Variants in NLRC5 observed in about 807,000 individuals in gnomAD.
NLRC5 encodes the protein protein NLRC5.
A neutral mutation model predicts 206.9 loss-of-function variants in NLRC5; 114 were observed. The observed-to-expected ratio is 0.55, with a 90% confidence interval of 0.47 to 0.64. The LOEUF (loss-of-function observed/expected upper bound fraction) is 0.64. NLRC5 is among the 30% of genes least tolerant of loss of function. The probability of loss-of-function intolerance (pLI) is 0.00; values close to 1 mark genes in which losing one functional copy is unlikely to be tolerated. For synonymous variants in NLRC5, 952 were observed against 962.8 expected (o/e 0.99, Z 0.21); for missense variants, 2,008 against 2,305.5 (o/e 0.87, Z 2.64).
intron 38 of NLRC5, 113 bp from the exon 39 acceptor site, chr16:57,074,487 T>A (rs2068120180): frequency 1.2e-6 from 1 of 830,490 alleles, no homozygotes; most frequent in Non-Finnish European, 2.1e-6. Context: ...TGTGTGGATA[T>A]AAGTGGCTGT....
intron 1 of NLRC5, among the ~76,000 whole-genome samples, chr16:57,015,623 TAAA>T: frequency 6.7e-6 from 1 of 149,430 alleles, no homozygotes; most frequent in East Asian, 2.0e-4. Flanking sequence ...AATAAATAAA[TAAA>T]TAAATAAATA....
chr16:57,056,799 C>A (rs1567615319), intron 27 of NLRC5, among the ~76,000 whole-genome samples: 1 of 151,974 alleles, frequency 6.6e-6, no homozygotes, highest in Non-Finnish European at 1.5e-5. Context: ...GCTGAGATTA[C>A]AGGCATGAGC....
chr16:57,050,014 C>T (rs527970654), intron 23 of NLRC5, among the ~76,000 whole-genome samples: 1 of 152,088 alleles, frequency 6.6e-6, no homozygotes, highest in South Asian at 2.1e-4. Context: ...TCCATCCCCC[C>T]TCCCTGAATT....
intron 39 of NLRC5, among the ~76,000 whole-genome samples, chr16:57,075,039 T>A (rs1240236552): frequency 1.7e-4 from 13 of 74,774 alleles, no homozygotes; most frequent in African/African-American, 6.9e-4. Context: ...TTTTTTTTTT[T>A]TTTTTTTTGA....
rs1260834159 is a variant in NLRC5 at position 57,065,194 on chromosome 16, T to C, written c.4155-18T>C. The C allele has an allele frequency of 6.7e-7, 1 of 1,493,592 alleles. No individual in the cohort carries two copies. Among genetic ancestry groups the C allele is most frequent in the Non-Finnish European group, 9.0e-7 (1 of 1,107,786 alleles). 92.5% of individuals were successfully genotyped at this position (1,493,592 alleles called of 1,614,324 possible). A position where few individuals can be genotyped will look rare whatever the true frequency, so the allele number is the denominator to read the frequency against. ...GCTCACCTTGGGGGGGCCTTATCTG[T>C]GTCCCCTTCTGTGACAGGGTGCAGG... is the stretch of plus-strand genomic sequence containing the variant. On this transcript the variant is annotated intron_variant, in intron 32 of 48. Coordinates refer to ENST00000688547, the MANE Select transcript of NLRC5 (RefSeq NM_001384950.1).
At position 57,023,739 on chromosome 16, in the gene NLRC5, C is replaced by T. The variant is rs369360025; in HGVS notation, c.356-46C>T. On this transcript the variant is annotated intron_variant, in intron 4 of 48. Coordinates refer to ENST00000688547, the MANE Select transcript of NLRC5 (RefSeq NM_001384950.1). ...AAAGGTTCTGGGTAACCCCTCAGCC[C>T]AGATCCCCAGACCCCACTCCTCCAC... 4 of 1,544,844 alleles carry T rather than the reference C, an allele frequency of 2.6e-6. No homozygotes were observed. The African/African-American group carries it at 5.4e-5, about 21-fold the overall frequency.
At chr16:57,054,440 AC>A (rs1343462487) in intron 24 of NLRC5, among the ~76,000 whole-genome samples, 6 of 152,176 alleles carry the variant, frequency 3.9e-5, no homozygotes, top group Non-Finnish European at 8.8e-5. Context: ...CCGGCAGTGC[AC>A]CTGCATGATG....
intron 46 of NLRC5, among the ~76,000 whole-genome samples, chr16:57,080,401 T>C (rs1370224127): frequency 6.6e-6 from 1 of 152,166 alleles, no homozygotes; most frequent in African/African-American, 2.4e-5. Context: ...TGTACTATAT[T>C]TATTTTTGTA....
In NLRC5 at chr16:57,071,741, G is replaced by A. The variant is rs189916564; in HGVS notation, c.4667+1123G>A. On this transcript the variant is annotated intron_variant, in intron 38 of 48. Coordinates refer to ENST00000688547, the MANE Select transcript of NLRC5 (RefSeq NM_001384950.1). ...TAATGGGGAAGGGGGTGAGTAAGGG[G>A]TGGGGGTGGTTAATAGGGAAGAGTT... Among the ~76,000 whole-genome samples, 39 of 138,984 alleles carry A rather than the reference G, an allele frequency of 2.8e-4. No homozygotes were observed. The Middle Eastern group carries it at 0.012, about 43-fold the overall frequency. 91.2% of individuals were successfully genotyped at this position (138,984 alleles called of 152,430 possible). A position where few individuals can be genotyped will look rare whatever the true frequency, so the allele number is the denominator to read the frequency against.
Position 57,025,590 on chromosome 16 carries a change from G to A in NLRC5, c.647G>A (p.Arg216Lys). 6.2e-7 allele frequency: 1 copy of A among 1,614,152 alleles called. No homozygotes were observed. Among genetic ancestry groups the A allele is most frequent in the Non-Finnish European group, 8.5e-7 (1 of 1,180,018 alleles). The change falls in exon 6 of 49, where the codon AGG becomes AAG. Residue 216 changes from arginine (R) to lysine (K), a missense_variant. Coordinates refer to ENST00000688547, the MANE Select transcript of NLRC5 (RefSeq NM_001384950.1). The part of the protein sequence containing the change: ...DVSISDLFNT[R>K]VNKGPRVTVL... ...AGCATCTCGGACCTCTTCAACACCA[G>A]GGTTAACAAGGGCCCGAGGGTGACC...
At chr16:57,079,477 A>G in intron 45 of NLRC5, 69 bp from the exon 46 acceptor site, 2 of 1,447,076 alleles carry the variant, frequency 1.4e-6, no homozygotes, top group Admixed American at 1.7e-5. Flanking sequence ...GTGGCTCTGG[A>G]GGCAGGACCT....
chr16:57,053,589 C>T (rs2065215257), intron 24 of NLRC5, among the ~76,000 whole-genome samples: 1 of 152,134 alleles, frequency 6.6e-6, no homozygotes, highest in Non-Finnish European at 1.5e-5. Context: ...AGTGCAATGG[C>T]GCAATCTCGG....
In NLRC5 at chr16:57,082,840, G is replaced by T. The variant is rs2069310766; in HGVS notation, c.*312G>T. On this transcript the variant is annotated 3_prime_UTR_variant, in exon 49 of 49. Coordinates refer to ENST00000688547, the MANE Select transcript of NLRC5 (RefSeq NM_001384950.1). ...GTTATATGTGGCAGTGTGACCCCTT[G>T]ACATGTGGCGTTACATGAAAGTCAG... 1 of 250,086 alleles carries T rather than the reference G, an allele frequency of 4.0e-6. No individual in the cohort carries two copies. The allele number at this position is 250,086 out of a possible 1,614,324, so 15.5% of individuals were successfully genotyped here.
Position 57,059,707 on chromosome 16 carries a change from C to A in NLRC5, c.3986+175C>A, listed in dbSNP as rs558110396. Among the ~76,000 whole-genome samples the A allele has an allele frequency of 2.6e-5, 4 of 152,308 alleles. No individual in the cohort carries two copies. In the South Asian group the frequency reaches 8.3e-4, roughly 32 times the overall value. On this transcript the variant is annotated intron_variant, in intron 30 of 48. Coordinates refer to ENST00000688547, the MANE Select transcript of NLRC5 (RefSeq NM_001384950.1). Reference sequence around the variant, plus strand: ...CCCCCGATGCCCTGGTAACTCCAGTCTCAGCCAGGGCCTTGGCATTGAACT... The same window carrying A: ...CCCCCGATGCCCTGGTAACTCCAGTATCAGCCAGGGCCTTGGCATTGAACT...
chr16:57,005,356 A>G (rs2058770754), intron 1 of NLRC5, among the ~76,000 whole-genome samples: 1 of 152,172 alleles, frequency 6.6e-6, no homozygotes, highest in South Asian at 2.1e-4. Flanking sequence ...GCTACCTCAA[A>G]TCAAATCAAT....
intron 39 of NLRC5, among the ~76,000 whole-genome samples, chr16:57,076,608 G>C (rs539284205): frequency 7.2e-4 from 109 of 152,344 alleles, no homozygotes; most frequent in Non-Finnish European, 1.1e-3. Context: ...ACAGCTCACT[G>C]CTGGCTCTCA....
intron 23 of NLRC5, among the ~76,000 whole-genome samples, chr16:57,050,169 G>C (rs1327788306): frequency 6.6e-6 from 1 of 151,922 alleles, no homozygotes; most frequent in Non-Finnish European, 1.5e-5. Flanking sequence ...GGTGTATTTG[G>C]GGGTCTGGTG....
chr16:57,061,169 C>T (rs2066427716), intron 30 of NLRC5, among the ~76,000 whole-genome samples: 1 of 152,222 alleles, frequency 6.6e-6, no homozygotes, highest in Admixed American at 6.5e-5. Context: ...GCAGGAAGTC[C>T]CATGCACCCA....
At chr16:57,076,481 A>G (rs1472220027) in intron 39 of NLRC5, among the ~76,000 whole-genome samples, 2 of 152,244 alleles carry the variant, frequency 1.3e-5, no homozygotes, top group Admixed American at 6.5e-5. Context: ...CAGCCCGGAG[A>G]TCCCTGACAC....
Sources: gnomAD v4.1 joint callset for allele counts (sites outside exome capture counted in the v4.1 genomes callset) on GRCh38, gnomAD v4.1.1 for gene constraint, MANE v1.5 for transcripts, NCBI Gene and HGNC (gene_info 2026-07-23, HGNC 2026-07-21) for gene names.